The following SPATA16 variants were observed in gnomAD, a reference collection of about 807,000 sequenced individuals.
SPATA16 encodes the protein spermatogenesis-associated protein 16.
In SPATA16, 36 loss-of-function variants were observed where a neutral mutation model predicts 63.3. The observed-to-expected ratio is 0.57, with a 90% CI of 0.44 to 0.75. The LOEUF (loss-of-function observed/expected upper bound fraction) is 0.75, where lower values mean the gene tolerates loss of function less well. SPATA16 is among the 30% of genes least tolerant of loss of function. The probability of loss-of-function intolerance (pLI) is 0.00; values close to 1 mark genes in which losing one functional copy is unlikely to be tolerated. For synonymous variants in SPATA16, 203 were observed against 216.7 expected, an observed-to-expected ratio of 0.94 and a Z score of 0.56; for missense variants, 646 against 679.3, an observed-to-expected ratio of 0.95 and a Z score of 0.54.
Position 173,028,690 on chromosome 3 carries a change from GAT to G in SPATA16, c.759-9117_759-9116del, listed in dbSNP as rs1414367726. Reference sequence around the variant, plus strand: ...TGAATATTTTAACTGCAAGCTAAATGATATGATAATATAATAGAGCTACAAAA... The same window carrying G: ...TGAATATTTTAACTGCAAGCTAAATGATGATAATATAATAGAGCTACAAAA... On this transcript the variant is annotated intron_variant, in intron 3 of 10. Coordinates refer to ENST00000351008, the MANE Select transcript of SPATA16 (RefSeq NM_031955.6). Among the ~76,000 whole-genome samples, 3 of 152,114 alleles carry G rather than the reference GAT, an allele frequency of 2.0e-5. No homozygotes were observed. In the East Asian group the frequency reaches 5.8e-4, roughly 29 times the overall value.
At chr3:172,952,938 CA>C (rs60404306) in intron 6 of SPATA16, among the ~76,000 whole-genome samples, 2,746 of 77,974 alleles carry the variant, frequency 0.035, 34 homozygotes, top group African/African-American at 0.11. Flanking sequence ...GACTCCATCT[CA>C]AAAAAAAAAA....
chr3:172,935,776 AT>A (rs200822793), intron 6 of SPATA16, among the ~76,000 whole-genome samples: 1 of 151,582 alleles, frequency 6.6e-6, no homozygotes, highest in Non-Finnish European at 1.5e-5. Context: ...CTAGACTAGA[AT>A]TTTTTTTTCC....
At chr3:173,014,045 A>G (rs1158282294) in intron 4 of SPATA16, among the ~76,000 whole-genome samples, 2 of 152,152 alleles carry the variant, frequency 1.3e-5, no homozygotes, top group Non-Finnish European at 2.9e-5. Context: ...AGAACTTAAA[A>G]CAGAGCCACC....
At chr3:172,993,088 C>T (rs1270057316) in intron 4 of SPATA16, among the ~76,000 whole-genome samples, 2 of 152,122 alleles carry the variant, frequency 1.3e-5, no homozygotes, top group Non-Finnish European at 2.9e-5. Flanking sequence ...GGCTTATCCC[C>T]AGTTCCTTGG....
chr3:173,130,707 G>C (rs1049113679), intron 1 of SPATA16, among the ~76,000 whole-genome samples: 3 of 152,158 alleles, frequency 2.0e-5, no homozygotes, highest in Non-Finnish European at 1.5e-5. Context: ...CAAAAGTAGG[G>C]CTCACCTAGT....
At chr3:173,015,096 T>A (rs1577132592) in intron 4 of SPATA16, among the ~76,000 whole-genome samples, 1 of 149,546 alleles carries the variant, frequency 6.7e-6, no homozygotes, top group East Asian at 2.0e-4. Context: ...AGAGTTTCAC[T>A]CTCATCGCCC....
rs987570331 is a variant in SPATA16, at chr3:173,063,276, CTT to C, written c.613-14184_613-14183del. ...AAGGCACTTTTACTTGCATTAATCA[CTT>C]ATGTCTTGCAATCACCTATTTTATA... is the stretch of plus-strand genomic sequence containing the variant. On this transcript the variant is annotated intron_variant, in intron 2 of 10. Coordinates refer to ENST00000351008, the MANE Select transcript of SPATA16 (RefSeq NM_031955.6). Among the ~76,000 whole-genome samples the C allele has an allele frequency of 3.9e-5, 6 of 152,284 alleles. No homozygotes were observed. In the East Asian group the frequency reaches 1.2e-3, roughly 29 times the overall value.
chr3:173,037,806 A>G (rs938749357), intron 3 of SPATA16, among the ~76,000 whole-genome samples: 3 of 152,118 alleles, frequency 2.0e-5, no homozygotes, highest in African/African-American at 4.8e-5. Context: ...GAGGATGAAT[A>G]TGAAGAATTC....
intron 8 of SPATA16, among the ~76,000 whole-genome samples, chr3:172,922,301 G>A (rs972614888): frequency 6.6e-6 from 1 of 152,132 alleles, no homozygotes; most frequent in African/African-American, 2.4e-5. Context: ...AGCAAACATA[G>A]GAAAGTTGAT....
At chr3:172,921,654 AAAG>A (rs1198978465) in intron 8 of SPATA16, among the ~76,000 whole-genome samples, 3 of 152,226 alleles carry the variant, frequency 2.0e-5, no homozygotes, top group Non-Finnish European at 4.4e-5. Context: ...ATAAAGAAAA[AAAG>A]AAGGTCTGTA....
chr3:172,889,414 A>G lies in SPATA16; in HGVS notation c.*156T>C. 3 of 1,011,218 alleles carry G rather than the reference A, an allele frequency of 3.0e-6. No homozygotes were observed. Among genetic ancestry groups the G allele is most frequent in the South Asian group, 2.7e-5 (2 of 72,766 alleles). The allele number at this position is 1,011,218 out of a possible 1,614,324, so 62.6% of individuals were successfully genotyped here. A position where few individuals can be genotyped will look rare whatever the true frequency, so the allele number is the denominator to read the frequency against. ...GCCAGTTGAGATTAATGAAACATAG[A>G]GTGTCTTTGGTAAAGATGAACTGAG... is the stretch of plus-strand genomic sequence containing the variant. On this transcript the variant is annotated 3_prime_UTR_variant, in exon 11 of 11. Transcript: ENST00000351008.
At chr3:172,907,877 C>T (rs771645032) in intron 10 of SPATA16, among the ~76,000 whole-genome samples, 1 of 152,154 alleles carries the variant, frequency 6.6e-6, no homozygotes, top group Non-Finnish European at 1.5e-5. Flanking sequence ...CGTGCCCAGC[C>T]CAGTCTCAGG....
intron 1 of SPATA16, among the ~76,000 whole-genome samples, chr3:173,135,847 C>G (rs979314906): frequency 1.3e-5 from 2 of 152,194 alleles, no homozygotes; most frequent in African/African-American, 4.8e-5. Context: ...ATTTCTGGAT[C>G]TGAGAGCTGG....
intron 4 of SPATA16, among the ~76,000 whole-genome samples, chr3:173,004,928 G>C (rs1734907315): frequency 6.6e-6 from 1 of 152,134 alleles, no homozygotes; most frequent in South Asian, 2.1e-4. Flanking sequence ...GCAACACTTA[G>C]GTATTAGAAA....
At chr3:172,940,512 C>T (rs779348355) in intron 6 of SPATA16, among the ~76,000 whole-genome samples, 6 of 152,186 alleles carry the variant, frequency 3.9e-5, no homozygotes, top group South Asian at 2.1e-4. Flanking sequence ...AAATATAAAA[C>T]GTGTGTAAAG....
chr3:172,931,389 TG>T (rs1732869431), intron 6 of SPATA16, among the ~76,000 whole-genome samples: 1 of 152,154 alleles, frequency 6.6e-6, no homozygotes, highest in Admixed American at 6.5e-5. Flanking sequence ...TAAAGGTACA[TG>T]CCCCCATGCC....
intron 4 of SPATA16, among the ~76,000 whole-genome samples, chr3:173,011,489 G>T (rs1735073674): frequency 6.6e-6 from 1 of 152,136 alleles, no homozygotes; most frequent in Non-Finnish European, 1.5e-5. Flanking sequence ...AGGGTGGTAT[G>T]GCTGTAGACC....
At chr3:173,010,635 C>A (rs1656938238) in intron 4 of SPATA16, among the ~76,000 whole-genome samples, 1 of 152,130 alleles carries the variant, frequency 6.6e-6, no homozygotes, top group African/African-American at 2.4e-5. Flanking sequence ...AGACAGACAG[C>A]CAGACTGCTT....
At chr3:173,060,464 C>A (rs980890605) in intron 2 of SPATA16, among the ~76,000 whole-genome samples, 1 of 151,890 alleles carries the variant, frequency 6.6e-6, no homozygotes, top group Non-Finnish European at 1.5e-5. Context: ...AAATTAGATG[C>A]AATAAGCAAA....
Sources: gnomAD v4.1 joint callset for allele counts (sites outside exome capture counted in the v4.1 genomes callset) on GRCh38, gnomAD v4.1.1 for gene constraint, MANE v1.5 for transcripts, NCBI Gene and HGNC (gene_info 2026-07-23, HGNC 2026-07-21) for gene names.